DOCK1: variants seen among roughly 807,000 people sequenced by gnomAD.
DOCK1 encodes the protein dedicator of cytokinesis protein 1.
In DOCK1, 138 loss-of-function variants were observed where a neutral mutation model predicts 262.7. The ratio of observed to expected loss-of-function variants is 0.53; its 90% CI spans 0.46 to 0.61. The LOEUF (loss-of-function observed/expected upper bound fraction) is 0.61, where lower values mean the gene tolerates loss of function less well. DOCK1 is among the 20% of genes least tolerant of loss of function. The pLI, the probability that DOCK1 is intolerant of heterozygous loss-of-function variation, is 0.00. For synonymous variants in DOCK1, 866 were observed against 867.4 expected (o/e 1.00, Z 0.03); for missense variants, 1,908 against 2,370.7 (o/e 0.80, Z 4.05).
intron 1 of DOCK1, among the ~76,000 whole-genome samples, chr10:126,962,831 G>C (rs1211977642): frequency 2.0e-5 from 3 of 152,226 alleles, no homozygotes; most frequent in Admixed American, 6.5e-5. Flanking sequence ...TTGTTCCTCT[G>C]TGTTTTCTTC....
At chr10:127,132,436 T>G (rs1175549396) in intron 27 of DOCK1, among the ~76,000 whole-genome samples, 1 of 152,212 alleles carries the variant, frequency 6.6e-6, no homozygotes, top group East Asian at 1.9e-4. Context: ...GGTCATTTTA[T>G]CTTTACTCTG....
At chr10:126,943,716 G>A (rs2035188163) in intron 1 of DOCK1, among the ~76,000 whole-genome samples, 2 of 152,152 alleles carry the variant, frequency 1.3e-5, no homozygotes. Flanking sequence ...GGACTACCAA[G>A]GGAGGCTTCC....
intron 32 of DOCK1, among the ~76,000 whole-genome samples, chr10:127,359,819 T>C (rs1216965486): frequency 6.7e-6 from 1 of 150,224 alleles, no homozygotes; most frequent in East Asian, 2.0e-4. Context: ...TACAGAAATG[T>C]ATATTCACTG....
At chr10:126,959,734 G>C (rs993563883) in intron 1 of DOCK1, among the ~76,000 whole-genome samples, 1 of 152,212 alleles carries the variant, frequency 6.6e-6, no homozygotes, top group South Asian at 2.1e-4. Context: ...TCTGGACATA[G>C]GGGTTGGATC....
At chr10:127,294,902 A>G (rs1032095612) in intron 29 of DOCK1, among the ~76,000 whole-genome samples, 6 of 152,044 alleles carry the variant, frequency 3.9e-5, no homozygotes, top group African/African-American at 1.4e-4. Context: ...TCAGTCTCCC[A>G]AAGTGTCAGG....
intron 27 of DOCK1, among the ~76,000 whole-genome samples, chr10:127,132,599 T>G (rs2050390685): frequency 6.6e-6 from 1 of 152,148 alleles, no homozygotes; most frequent in Non-Finnish European, 1.5e-5. Context: ...TCTGAGCAGG[T>G]GACCGCGGCT....
intron 23 of DOCK1, among the ~76,000 whole-genome samples, chr10:127,079,793 T>G (rs1007155631): frequency 1.3e-5 from 2 of 152,068 alleles, no homozygotes; most frequent in Non-Finnish European, 2.9e-5. Flanking sequence ...TAGCTGGGCG[T>G]GTAGGTGCAT....
At chr10:127,231,542 C>T (rs2058842118) in intron 27 of DOCK1, among the ~76,000 whole-genome samples, 1 of 152,068 alleles carries the variant, frequency 6.6e-6, no homozygotes, top group South Asian at 2.1e-4. Context: ...TCCTCAGCCT[C>T]CCCAGCAGCT....
At chr10:127,311,484 T>C (rs1183387721) in intron 29 of DOCK1, among the ~76,000 whole-genome samples, 2 of 152,248 alleles carry the variant, frequency 1.3e-5, no homozygotes, top group African/African-American at 2.4e-5. Flanking sequence ...GTGAATGTTA[T>C]GTCAGTGCTC....
chr10:127,298,932 G>A (rs1296563307), intron 29 of DOCK1, among the ~76,000 whole-genome samples: 1 of 152,092 alleles, frequency 6.6e-6, no homozygotes, highest in Non-Finnish European at 1.5e-5. Flanking sequence ...GGTGGTCCAG[G>A]GAGATGGGAT....
intron 33 of DOCK1, among the ~76,000 whole-genome samples, chr10:127,369,630 G>A (rs989982551): frequency 1.4e-4 from 22 of 152,226 alleles, no homozygotes; most frequent in African/African-American, 5.3e-4. Flanking sequence ...TCAGCAAGGT[G>A]TCATGGCCTG....
Position 127,451,891 on chromosome 10 carries a change from G to A in DOCK1, c.*464G>A, listed in dbSNP as rs559166325. 82 of 169,696 alleles carry A rather than the reference G, an allele frequency of 4.8e-4. 1 individual carries two copies. The South Asian group carries it at 9.6e-3, about 20-fold the overall frequency. The allele number at this position is 169,696 out of a possible 1,614,324, so 10.5% of individuals were successfully genotyped here. A position where few individuals can be genotyped will look rare whatever the true frequency, so the allele number is the denominator to read the frequency against. Reference sequence around the variant, plus strand: ...TATCCAGCCCCTCCTTGTTCCAGCCGGTGGTGTGACTTCGTTGGTTGAGGT... The same window carrying A: ...TATCCAGCCCCTCCTTGTTCCAGCCAGTGGTGTGACTTCGTTGGTTGAGGT... On this transcript the variant is annotated 3_prime_UTR_variant, in exon 52 of 52. Transcript: ENST00000623213.
At chr10:127,150,166 C>G (rs1361557950) in intron 27 of DOCK1, among the ~76,000 whole-genome samples, 1 of 152,200 alleles carries the variant, frequency 6.6e-6, no homozygotes, top group Non-Finnish European at 1.5e-5. Flanking sequence ...CACCCATGTA[C>G]ACTGCTACTG....
chr10:126,912,666 C>T (rs1377264850), intron 1 of DOCK1, among the ~76,000 whole-genome samples: 33 of 148,974 alleles, frequency 2.2e-4, no homozygotes, highest in African/African-American at 7.9e-4. Context: ...GCGGAGCTTG[C>T]AGTGAGCCGA....
chr10:127,381,162 T>C (rs7099958), intron 36 of DOCK1, 116 bp from the exon 37 acceptor site: 255,321 of 786,046 alleles, frequency 0.32, 42,386 homozygotes, highest in African/African-American at 0.35. Context: ...TTATGAACAT[T>C]GTAAAAAGGA....
chr10:127,321,935 C>T (rs1391368276), intron 29 of DOCK1, among the ~76,000 whole-genome samples: 2 of 151,844 alleles, frequency 1.3e-5, no homozygotes, highest in East Asian at 4.0e-4. Context: ...AAACCCTGTC[C>T]CTACAAAAAA....
chr10:127,318,575 TG>T (rs2062385079), intron 29 of DOCK1, among the ~76,000 whole-genome samples: 1 of 152,240 alleles, frequency 6.6e-6, no homozygotes, highest in African/African-American at 2.4e-5. Context: ...CTCTGATGAC[TG>T]CTTTCCCTCC....
At position 127,239,691 on chromosome 10, in the gene DOCK1, A is replaced by G. The variant is rs576673983; in HGVS notation, c.2848-8317A>G. Among the ~76,000 whole-genome samples the G allele has an allele frequency of 5.3e-5, 8 of 152,248 alleles. No individual in the cohort carries two copies. In the South Asian group the frequency reaches 1.7e-3, roughly 32 times the overall value. On this transcript the variant is annotated intron_variant, in intron 27 of 51. Transcript: ENST00000623213. ...TTAAGACCGAGTTACGCTCGTTTCT[A>G]TTATAGTGTGTTTTCAGATCCTCTA...
intron 4 of DOCK1, 25 bp downstream of exon 4, chr10:126,981,998 T>G (rs751168047): frequency 1.2e-6 from 2 of 1,611,148 alleles, no homozygotes; most frequent in East Asian, 4.5e-5. Flanking sequence ...GATGTTTAAA[T>G]GAAGAATTGC....
Sources: allele counts gnomAD v4.1 joint callset (sites outside exome capture counted in the v4.1 genomes callset), GRCh38; gene constraint gnomAD v4.1.1; transcripts MANE v1.5; gene names NCBI Gene and HGNC (gene_info 2026-07-23, HGNC 2026-07-21).